The following OSBP2 variants were observed in gnomAD, a reference collection of about 807,000 sequenced individuals.
OSBP2 encodes oxysterol-binding protein 2.
OSBP2 carries 66 observed loss-of-function variants against 96.0 expected under a neutral mutation model. The ratio of observed to expected loss-of-function variants is 0.69; its 90% CI spans 0.56 to 0.84. The LOEUF (loss-of-function observed/expected upper bound fraction) is 0.84, where lower values mean the gene tolerates loss of function less well. OSBP2 is among the 40% of genes least tolerant of loss of function. The pLI, the probability that OSBP2 is intolerant of heterozygous loss-of-function variation, is 0.00. For missense variants in OSBP2, 1,038 were observed against 1,222.7 expected (o/e 0.85, Z 2.25); for synonymous variants, 525 against 520.9 (o/e 1.01, Z -0.11).
At chr22:30,820,106 A>G (rs578244404) in intron 2 of OSBP2, among the ~76,000 whole-genome samples, 1 of 152,354 alleles carries the variant, frequency 6.6e-6, no homozygotes, top group East Asian at 1.9e-4. Context: ...CTGACCGAAC[A>G]CAGTGGCTCA....
At chr22:30,761,403 A>C (rs928599875) in intron 2 of OSBP2, among the ~76,000 whole-genome samples, 1 of 152,222 alleles carries the variant, frequency 6.6e-6, no homozygotes, top group African/African-American at 2.4e-5. Flanking sequence ...TATAGTATCT[A>C]TATGTAAATA....
At chr22:30,822,419 T>G in intron 2 of OSBP2, 1 of 950,684 alleles carries the variant, frequency 1.1e-6, no homozygotes, top group Non-Finnish European at 1.4e-6. Context: ...CCGCTCAGGC[T>G]GGGCTCGGCT....
At chr22:30,802,291 C>T (rs1254486254) in intron 2 of OSBP2, among the ~76,000 whole-genome samples, 2 of 152,218 alleles carry the variant, frequency 1.3e-5, no homozygotes, top group Non-Finnish European at 2.9e-5. Context: ...TGCGAGATGT[C>T]ATCAGGCTCT....
intron 12 of OSBP2, among the ~76,000 whole-genome samples, chr22:30,904,109 G>A (rs1451104792): frequency 2.6e-5 from 4 of 152,166 alleles, no homozygotes; most frequent in Admixed American, 6.5e-5. Flanking sequence ...CTTCCCTTTG[G>A]GGAGCAGTTG....
chr22:30,875,449 C>G (rs558066640), intron 3 of OSBP2, among the ~76,000 whole-genome samples: 5 of 152,076 alleles, frequency 3.3e-5, no homozygotes, highest in African/African-American at 1.2e-4. Flanking sequence ...CTTGGCTCAC[C>G]ACAACCTCGG....
chr22:30,696,081 A>T (rs1344162465), intron 1 of OSBP2, among the ~76,000 whole-genome samples: 1 of 152,080 alleles, frequency 6.6e-6, no homozygotes, highest in Admixed American at 6.6e-5. Flanking sequence ...AGACTCACAG[A>T]TGTATTGGAC....
intron 2 of OSBP2, among the ~76,000 whole-genome samples, chr22:30,783,935 G>A (rs2090553390): frequency 6.6e-6 from 1 of 152,188 alleles, no homozygotes; most frequent in Admixed American, 6.5e-5. Flanking sequence ...AATCACTTGG[G>A]ACCGTGTTAC....
At chr22:30,742,159 G>A (rs564331681) in intron 2 of OSBP2, among the ~76,000 whole-genome samples, 1 of 152,042 alleles carries the variant, frequency 6.6e-6, no homozygotes, top group South Asian at 2.1e-4. Context: ...TCGGCTGGGT[G>A]TGGTGGCACA....
At chr22:30,797,196 A>G (rs1258498631) in intron 2 of OSBP2, among the ~76,000 whole-genome samples, 1 of 152,256 alleles carries the variant, frequency 6.6e-6, no homozygotes, top group Non-Finnish European at 1.5e-5. Flanking sequence ...TTTTAAGGCT[A>G]ACCAGTATTC....
At chr22:30,865,639 A>AGG in intron 2 of OSBP2, among the ~76,000 whole-genome samples, 2 of 121,108 alleles carry the variant, frequency 1.7e-5, no homozygotes, top group Non-Finnish European at 3.7e-5. Flanking sequence ...CTCAAAAAAA[A>AGG]AAAAAAAAAA....
At chr22:30,880,376 A>C (rs1016203473) in intron 3 of OSBP2, among the ~76,000 whole-genome samples, 6 of 152,210 alleles carry the variant, frequency 3.9e-5, no homozygotes, top group Non-Finnish European at 8.8e-5. Flanking sequence ...GCCGCAGATA[A>C]GAACACGGCC....
At chr22:30,750,670 G>A (rs1329591640) in intron 2 of OSBP2, among the ~76,000 whole-genome samples, 4 of 152,216 alleles carry the variant, frequency 2.6e-5, no homozygotes, top group African/African-American at 4.8e-5. Flanking sequence ...CTTCATCTGC[G>A]TGATAAAACT....
chr22:30,843,267 A>G (rs934328041), intron 2 of OSBP2, among the ~76,000 whole-genome samples: 13 of 152,064 alleles, frequency 8.5e-5, no homozygotes, highest in African/African-American at 2.2e-4. Flanking sequence ...TGAATCACCA[A>G]TGTTCTTAAT....
At position 30,893,639 on chromosome 22, in the gene OSBP2, C is replaced by G; in HGVS notation, c.2096C>G (p.Ser699Ter). 6.2e-7 allele frequency: 1 copy of G among 1,614,138 alleles called. No homozygotes were observed. Among genetic ancestry groups the G allele is most frequent in the East Asian group, 2.2e-5 (1 of 44,896 alleles). The change falls in exon 11 of 14, where the codon TCA becomes TGA. Residue 699 changes from serine to a stop codon, truncating the protein, a stop_gained and splice_region_variant. Coordinates refer to ENST00000332585, the MANE Select transcript of OSBP2 (RefSeq NM_030758.4). LOFTEE classifies it high-confidence loss of function. ...IIVGKLWIDQ[S>*]GDIEIVNHKT... ...CTGACCACTGCCCTCCTTCGCCAGT[C>G]AGGGGACATCGAGATTGTGAACCAT...
chr22:30,855,516 G>A (rs1267496650), intron 2 of OSBP2, among the ~76,000 whole-genome samples: 1 of 152,200 alleles, frequency 6.6e-6, no homozygotes, highest in Non-Finnish European at 1.5e-5. Context: ...CAGCAAGAAT[G>A]GTAGCTGTTG....
chr22:30,808,971 C>T (rs2090970372), intron 2 of OSBP2, among the ~76,000 whole-genome samples: 1 of 151,994 alleles, frequency 6.6e-6, no homozygotes, highest in African/African-American at 2.4e-5. Flanking sequence ...AAAATGTGGA[C>T]TTAGACACAC....
chr22:30,752,844 A>C (rs748450494), intron 2 of OSBP2, among the ~76,000 whole-genome samples: 1 of 152,156 alleles, frequency 6.6e-6, no homozygotes, highest in Non-Finnish European at 1.5e-5. Context: ...AGGGCCTGCT[A>C]TTTGTCATGT....
intron 2 of OSBP2, among the ~76,000 whole-genome samples, chr22:30,791,489 G>A (rs1257656127): frequency 1.3e-5 from 2 of 151,308 alleles, no homozygotes; most frequent in Admixed American, 1.3e-4. Context: ...CCCAAACCTG[G>A]CTAATTTTTG....
rs1421966219 is a variant in OSBP2, at chr22:30,694,901, G to T, written c.-9G>T. On this transcript the variant is annotated 5_prime_UTR_variant, in exon 1 of 14. Transcript: ENST00000332585. The stretch of plus-strand genomic sequence containing the variant: ...TGGCCGCTCGGCCGCGCGCGGGTCG[G>T]CCGGCTCTATGGGGAAAGCGGCGGC... The T allele has an allele frequency of 6.2e-6, 8 of 1,300,210 alleles. No homozygotes were observed. Among genetic ancestry groups the T allele is most frequent in the African/African-American group, 1.6e-5 (1 of 63,928 alleles). 80.5% of individuals were successfully genotyped at this position (1,300,210 alleles called of 1,614,324 possible). A position where few individuals can be genotyped will look rare whatever the true frequency, so the allele number is the denominator to read the frequency against.
Sources: allele counts gnomAD v4.1 joint callset (sites outside exome capture counted in the v4.1 genomes callset), GRCh38; gene constraint gnomAD v4.1.1; transcripts MANE v1.5; gene names NCBI Gene and HGNC (gene_info 2026-07-23, HGNC 2026-07-21).